PTPRN2: variants seen among roughly 807,000 people sequenced by gnomAD.
PTPRN2 encodes receptor-type tyrosine-protein phosphatase N2.
In PTPRN2, 74 loss-of-function variants were observed where a neutral mutation model predicts 118.8. The observed-to-expected ratio is 0.62, with a 90% CI of 0.52 to 0.76. PTPRN2 has a LOEUF of 0.76. Ranked by LOEUF, PTPRN2 falls within the 30% of genes least tolerant of loss-of-function variation. The pLI, the probability that PTPRN2 is intolerant of heterozygous loss-of-function variation, is 0.00. For missense variants in PTPRN2, 1,481 were observed against 1,394.4 expected (o/e 1.06, Z -0.99); for synonymous variants, 641 against 608.0 (o/e 1.05, Z -0.80).
chr7:158,331,160 C>G (rs1319061498), intron 2 of PTPRN2, among the ~76,000 whole-genome samples: 2 of 144,182 alleles, frequency 1.4e-5, no homozygotes, highest in Non-Finnish European at 3.0e-5. Flanking sequence ...CACTCACACC[C>G]ACACTCTCAC....
rs1436664514 is a variant in PTPRN2, at chr7:157,634,603, C to T, written c.2197-13094G>A. ...GGCTGCGTTGTCAATGCATCGCGAC[C>T]GGGCATGGTCCTGGGAGTGAATTAT... On this transcript the variant is annotated intron_variant, in intron 14 of 22. Transcript: ENST00000389418. 3.3e-5 allele frequency among the ~76,000 whole-genome samples: 5 copies of T among 152,166 alleles called. No individual in the cohort carries two copies. In the East Asian group the frequency reaches 5.8e-4, roughly 18 times the overall value.
At chr7:158,315,275 CAGAGGTGAACCCGGGACCCCCTG>C in intron 3 of PTPRN2, among the ~76,000 whole-genome samples, 1 of 100,756 alleles carries the variant, frequency 9.9e-6, no homozygotes, top group African/African-American at 3.8e-5. Context: ...CCCTGAAGGA[CAGAGGTGAACCCGGGACCCCCTG>C]AAGGACAGAG....
intron 13 of PTPRN2, among the ~76,000 whole-genome samples, chr7:157,681,278 C>T (rs1796904259): frequency 6.6e-6 from 1 of 152,214 alleles, no homozygotes; most frequent in African/African-American, 2.4e-5. Flanking sequence ...TATTTATGTA[C>T]TGACACAGAC....
chr7:158,271,564 A>G (rs988808870), intron 3 of PTPRN2, among the ~76,000 whole-genome samples: 1 of 152,226 alleles, frequency 6.6e-6, no homozygotes, highest in Non-Finnish European at 1.5e-5. Context: ...TTCTCTGCAG[A>G]CACTGCTGGC....
At chr7:158,230,225 C>T (rs558245267) in intron 3 of PTPRN2, among the ~76,000 whole-genome samples, 113 of 152,306 alleles carry the variant, frequency 7.4e-4, no homozygotes, top group African/African-American at 2.6e-3. Context: ...TAATTCACCA[C>T]TACTAGTCCT....
At chr7:158,256,808 G>A (rs763587978) in intron 3 of PTPRN2, among the ~76,000 whole-genome samples, 19 of 152,290 alleles carry the variant, frequency 1.2e-4, no homozygotes, top group Non-Finnish European at 2.2e-4. Context: ...TCTTGGAGTA[G>A]AAAAGAGTAT....
At chr7:158,277,438 G>A (rs1799094695) in intron 3 of PTPRN2, among the ~76,000 whole-genome samples, 1 of 152,188 alleles carries the variant, frequency 6.6e-6, no homozygotes, top group Admixed American at 6.5e-5. Flanking sequence ...GTTTGTACCT[G>A]AAGCCCTCAA....
Position 157,560,494 on chromosome 7 carries a change from C to T in PTPRN2, c.2902+8408G>A, listed in dbSNP as rs1019010774. On this transcript the variant is annotated intron_variant, in intron 21 of 22. Transcript: ENST00000389418. The surrounding 1 kb of genome is among the most constrained non-coding windows in gnomAD (Gnocchi z 6.7). ...CCGGACCACTGCTCCAACCAGCGTT[C>T]GTCGTCAGCCCCTTACACGGGACAG... is the stretch of plus-strand genomic sequence containing the variant. Among the ~76,000 whole-genome samples the T allele has an allele frequency of 1.3e-5, 2 of 152,184 alleles. No individual in the cohort carries two copies. The highest frequency in any genetic ancestry group is 1.3e-4 in the Admixed American group (2 of 15,280).
chr7:158,587,018 C>A (rs1563460672), intron 1 of PTPRN2, among the ~76,000 whole-genome samples: 1 of 152,078 alleles, frequency 6.6e-6, no homozygotes, highest in African/African-American at 2.4e-5. Flanking sequence ...GACAGAGAGG[C>A]GCGCGACCCG....
At chr7:157,867,837 T>A (rs1207945567) in intron 12 of PTPRN2, among the ~76,000 whole-genome samples, 3 of 152,146 alleles carry the variant, frequency 2.0e-5, no homozygotes, top group African/African-American at 7.2e-5. Flanking sequence ...GAGGAGCTGG[T>A]CCCTAGACTG....
intron 15 of PTPRN2, among the ~76,000 whole-genome samples, chr7:157,614,327 G>A (rs954364558): frequency 1.3e-5 from 2 of 152,122 alleles, no homozygotes; most frequent in South Asian, 2.1e-4. Context: ...TGAGCTTCTC[G>A]TGGGCTTGCA....
In PTPRN2 at chr7:157,764,021, T is replaced by C. The variant is rs914995891; in HGVS notation, c.1789-81084A>G. 4.6e-5 allele frequency among the ~76,000 whole-genome samples: 7 copies of C among 152,182 alleles called. No individual in the cohort carries two copies. The highest frequency in any genetic ancestry group is 1.0e-4 in the Non-Finnish European group (7 of 68,038). ...TAGTCGCAGCCACATGAGTGGAGCA[T>C]GTGGAGGCTAGGAGAGGCCATGCAC... On this transcript the variant is annotated intron_variant, in intron 12 of 22. Coordinates refer to ENST00000389418, the MANE Select transcript of PTPRN2 (RefSeq NM_002847.5). The surrounding 1 kb of genome is among the most constrained non-coding windows in gnomAD (Gnocchi z 4.5).
At chr7:157,638,672 G>A (rs1334773586) in intron 14 of PTPRN2, among the ~76,000 whole-genome samples, 1 of 152,252 alleles carries the variant, frequency 6.6e-6, no homozygotes, top group African/African-American at 2.4e-5. Flanking sequence ...ACACGGCATG[G>A]GGACCAAATG....
At chr7:157,584,366 C>T (rs755077557) in intron 17 of PTPRN2, among the ~76,000 whole-genome samples, 1 of 152,166 alleles carries the variant, frequency 6.6e-6, no homozygotes, top group Non-Finnish European at 1.5e-5. Context: ...CCCTCCATGG[C>T]ATCTAACAGA....
chr7:157,736,833 A>C (rs1269418141), intron 12 of PTPRN2, among the ~76,000 whole-genome samples: 1 of 152,096 alleles, frequency 6.6e-6, no homozygotes, highest in Admixed American at 6.5e-5. Flanking sequence ...AAATCAGAGG[A>C]GGTACAATCC....
chr7:157,759,968 G>T (rs1053342217), intron 12 of PTPRN2, among the ~76,000 whole-genome samples: 1 of 152,124 alleles, frequency 6.6e-6, no homozygotes, highest in East Asian at 1.9e-4. Context: ...GAAGAGACCG[G>T]GCGGGCAAAG....
At position 158,171,224 on chromosome 7, in the gene PTPRN2, TAC is replaced by T. The variant is rs1202202890; in HGVS notation, c.550-3935_550-3934del. On this transcript the variant is annotated intron_variant, in intron 5 of 22. Coordinates refer to ENST00000389418, the MANE Select transcript of PTPRN2 (RefSeq NM_002847.5). ...TATACACTATATATACACACATATATACACACATATATATACACATATATACA... is the reference window on the plus strand; with the variant it reads ...TATACACTATATATACACACATATATACACATATATATACACATATATACA... Among the ~76,000 whole-genome samples, 741 of 132,814 alleles carry T rather than the reference TAC, an allele frequency of 5.6e-3. 25 individuals are homozygous for T. Among genetic ancestry groups the T allele is most frequent in the African/African-American group, 0.022 (671 of 31,080 alleles). 87.1% of individuals were successfully genotyped at this position (132,814 alleles called of 152,430 possible).
intron 1 of PTPRN2, among the ~76,000 whole-genome samples, chr7:158,542,466 T>A (rs1470889395): frequency 6.6e-6 from 1 of 152,244 alleles, no homozygotes; most frequent in Non-Finnish European, 1.5e-5. Flanking sequence ...TTAAATTGAT[T>A]TCCTACTCTT....
chr7:158,155,260 G>A (rs1190009019), intron 6 of PTPRN2, among the ~76,000 whole-genome samples: 3 of 152,158 alleles, frequency 2.0e-5, no homozygotes, highest in Non-Finnish European at 4.4e-5. Context: ...AAACAAAATG[G>A]TACAAGCTTT....
Sources: allele counts gnomAD v4.1 joint callset (sites outside exome capture counted in the v4.1 genomes callset), GRCh38; gene constraint gnomAD v4.1.1; non-coding constraint Gnocchi (gnomAD v3.1); transcripts MANE v1.5; gene names NCBI Gene and HGNC (gene_info 2026-07-23, HGNC 2026-07-21).